ME3: variants seen among roughly 807,000 people sequenced by gnomAD.
ME3 encodes NADP-dependent malic enzyme, mitochondrial.
In ME3, 48 loss-of-function variants were observed where a neutral mutation model predicts 68.9. The observed-to-expected ratio is 0.70, with a 90% CI of 0.55 to 0.89. ME3 has a LOEUF of 0.89. ME3 is among the 40% of genes least tolerant of loss of function. The probability of loss-of-function intolerance (pLI) is 0.00; values close to 1 mark genes in which losing one functional copy is unlikely to be tolerated. For missense variants in ME3, 675 were observed against 797.4 expected (o/e 0.85, Z 1.85); for synonymous variants, 320 against 318.8 (o/e 1.00, Z -0.04).
At chr11:86,635,698 G>A (rs143698803) in intron 2 of ME3, among the ~76,000 whole-genome samples, 2 of 152,284 alleles carry the variant, frequency 1.3e-5, no homozygotes, top group East Asian at 3.9e-4. Flanking sequence ...CCAGAACCAT[G>A]TTCTTGGACT....
intron 5 of ME3, among the ~76,000 whole-genome samples, chr11:86,502,189 G>A (rs1479346143): frequency 6.6e-6 from 1 of 152,064 alleles, no homozygotes; most frequent in Non-Finnish European, 1.5e-5. Context: ...TTATCTCCTT[G>A]ATACAAATCT....
intron 2 of ME3, among the ~76,000 whole-genome samples, chr11:86,645,413 C>T (rs596322): frequency 0.25 from 38,629 of 151,978 alleles, 5,084 homozygotes; most frequent in African/African-American, 0.32. Context: ...TTGAGTAGGC[C>T]GTTTTCCCCT....
intron 4 of ME3, among the ~76,000 whole-genome samples, chr11:86,551,747 G>A (rs1445508946): frequency 6.6e-6 from 1 of 152,334 alleles, no homozygotes; most frequent in South Asian, 2.1e-4. Context: ...TGGCCAGTGT[G>A]CAGAAGACCA....
At chr11:86,472,272 G>GC (rs1950825458) in intron 7 of ME3, among the ~76,000 whole-genome samples, 5 of 152,314 alleles carry the variant, frequency 3.3e-5, no homozygotes, top group African/African-American at 1.2e-4. Context: ...GAATGCAGGA[G>GC]CCACCCCTTT....
At chr11:86,536,101 G>T (rs1224354861) in intron 4 of ME3, among the ~76,000 whole-genome samples, 1 of 152,146 alleles carries the variant, frequency 6.6e-6, no homozygotes, top group African/African-American at 2.4e-5. Flanking sequence ...TGAATTTCCT[G>T]AATTGTCTAT....
chr11:86,530,131 G>T lies in ME3; in HGVS notation c.468-21264C>A, dbSNP rs543488500. 3.6e-4 allele frequency among the ~76,000 whole-genome samples: 55 copies of T among 152,326 alleles called. No homozygotes were observed. The South Asian group carries it at 0.011, about 31-fold the overall frequency. On this transcript the variant is annotated intron_variant, in intron 4 of 14. Coordinates refer to ENST00000543262, the Ensembl canonical transcript of ME3. The stretch of plus-strand genomic sequence containing the variant: ...TTGTCTCAGCCCAAAATCTCCTTAA[G>T]CTGACAGGCAACTTCAGCAAAATCT...
exon 8 of ME3, chr11:86,465,200 C>A (rs1565815119): frequency 6.2e-7 from 1 of 1,610,102 alleles, no homozygotes; most frequent in East Asian, 2.2e-5. Context: ...TTATTCCAAA[C>A]CTGTGTGGAG....
intron 2 of ME3, among the ~76,000 whole-genome samples, chr11:86,614,587 A>G (rs546817369): frequency 9.2e-5 from 14 of 152,110 alleles, no homozygotes; most frequent in Non-Finnish European, 1.8e-4. Context: ...CAGGTCTCCA[A>G]ATTCCCAGGG....
chr11:86,580,184 T>C (rs1387709438), intron 2 of ME3, among the ~76,000 whole-genome samples: 1 of 152,220 alleles, frequency 6.6e-6, no homozygotes, highest in Non-Finnish European at 1.5e-5. Context: ...GTCACTGGAA[T>C]TCCTGCAAGT....
intron 2 of ME3, among the ~76,000 whole-genome samples, chr11:86,603,269 C>G (rs1029394625): frequency 1.4e-4 from 22 of 151,760 alleles, no homozygotes; most frequent in Non-Finnish European, 2.5e-4. Flanking sequence ...ACAAACAACC[C>G]CATCAAAAAG....
intron 4 of ME3, among the ~76,000 whole-genome samples, chr11:86,531,734 C>A (rs1955248460): frequency 6.8e-6 from 1 of 147,074 alleles, no homozygotes; most frequent in South Asian, 2.1e-4. Flanking sequence ...TCATTCTGAG[C>A]AAACTGTCAC....
intron 4 of ME3, among the ~76,000 whole-genome samples, chr11:86,534,081 G>GTGTGTGTATATATATATATATATA (rs1361825219): frequency 3.1e-5 from 4 of 127,506 alleles, no homozygotes; most frequent in African/African-American, 1.3e-4. Flanking sequence ...GTGTGTGTGT[G>GTGTGTGTATATATATATATATATA]TATATATATA....
intron 10 of ME3, among the ~76,000 whole-genome samples, chr11:86,448,560 T>C (rs1054881663): frequency 6.6e-6 from 1 of 152,168 alleles, no homozygotes; most frequent in Non-Finnish European, 1.5e-5. Context: ...AGAAAGGCTT[T>C]TGGGCAATGC....
chr11:86,475,859 A>G (rs534570827), intron 7 of ME3, among the ~76,000 whole-genome samples: 2 of 116,874 alleles, frequency 1.7e-5, no homozygotes, highest in Admixed American at 8.5e-5. Flanking sequence ...CAGTATATAT[A>G]TATATATATA....
chr11:86,448,134 C>G lies in ME3; in HGVS notation c.1237+16G>C, dbSNP rs772113233. The G allele has an allele frequency of 3.0e-5, 48 of 1,575,544 alleles. No homozygotes were observed. Among genetic ancestry groups the G allele is most frequent in the Non-Finnish European group, 4.2e-5 (48 of 1,145,352 alleles). ...GGTTAGCTGGGCTGGGTAGTGGGTA[C>G]CCTCCCTCCTCCTACCTATGATGGC... On this transcript the variant is annotated intron_variant, in intron 11 of 14. Coordinates refer to ENST00000543262, the Ensembl canonical transcript of ME3.
At chr11:86,624,439 A>G (rs1205967412) in intron 2 of ME3, among the ~76,000 whole-genome samples, 1 of 152,212 alleles carries the variant, frequency 6.6e-6, no homozygotes, top group Non-Finnish European at 1.5e-5. Context: ...TATGTTTACC[A>G]TATAAATATA....
chr11:86,664,979 G>T (rs1946502352), intron 2 of ME3, among the ~76,000 whole-genome samples: 1 of 152,188 alleles, frequency 6.6e-6, no homozygotes, highest in Non-Finnish European at 1.5e-5. Context: ...ACTCCAGATG[G>T]GCATGTCAAC....
intron 2 of ME3, among the ~76,000 whole-genome samples, chr11:86,652,499 T>C (rs1196582953): frequency 6.6e-6 from 1 of 151,976 alleles, no homozygotes; most frequent in Non-Finnish European, 1.5e-5. Context: ...AAACTAAGCT[T>C]CATAAGTGAA....
At chr11:86,670,440 TTAGA>T (rs1946851864) in intron 2 of ME3, among the ~76,000 whole-genome samples, 1 of 152,164 alleles carries the variant, frequency 6.6e-6, no homozygotes, top group Admixed American at 6.5e-5. Flanking sequence ...TCTAGATTCT[TTAGA>T]TAAAGGAGCC....
Sources: gnomAD v4.1 joint callset for allele counts (sites outside exome capture counted in the v4.1 genomes callset) on GRCh38, gnomAD v4.1.1 for gene constraint, MANE v1.5 for transcripts, NCBI Gene and HGNC (gene_info 2026-07-23, HGNC 2026-07-21) for gene names.